Variants in CEP250 observed in about 807,000 individuals in gnomAD.
The protein encoded by CEP250 is centrosome-associated protein CEP250.
Under a neutral mutation model 315.7 loss-of-function variants are expected in CEP250, and 242 were observed. The observed-to-expected ratio is 0.77, with a 90% CI of 0.69 to 0.85. The LOEUF (loss-of-function observed/expected upper bound fraction) is 0.85, where lower values mean the gene tolerates loss of function less well. CEP250 is among the 40% of genes least tolerant of loss of function. CEP250 has a pLI of 0.00. For missense variants in CEP250, 2,515 were observed against 2,886.4 expected (o/e 0.87, Z 2.95); for synonymous variants, 1,088 against 1,175.0 (o/e 0.93, Z 1.51).
chr20:35,503,321 A>G lies in CEP250; in HGVS notation c.4952A>G (p.Gln1651Arg), dbSNP rs2147158137. 1.2e-6 allele frequency: 2 copies of G among 1,614,208 alleles called. No homozygotes were observed. Among genetic ancestry groups the G allele is most frequent in the South Asian group, 2.2e-5 (2 of 91,084 alleles). ...CAGAGGCAGAAAGAGCATCTGACTCAGGATCTCGAGAGGAGAGACCAGGAG... is the reference window on the plus strand; with the variant it reads ...CAGAGGCAGAAAGAGCATCTGACTCGGGATCTCGAGAGGAGAGACCAGGAG... ...ELQRQKEHLT[Q>R]DLERRDQELM... is the part of the protein sequence containing the mutation. The change falls in exon 30 of 35, where the codon CAG (glutamine) becomes CGG (arginine). Residue 1651 changes from glutamine to arginine, a missense_variant. Physicochemically the swap from Gln to Arg is conservative, Grantham distance 43. Transcript: ENST00000397527. This position sits in a 1 kb window ranked among gnomAD's most constrained non-coding sequence, Gnocchi z 4.2.
chr20:35,501,523 C>T (rs541957409), intron 28 of CEP250, among the ~76,000 whole-genome samples: 238 of 152,226 alleles, frequency 1.6e-3, no homozygotes, highest in Middle Eastern at 0.01. Context: ...CTAGAAGGAA[C>T]CTCCAGTGTC....
At chr20:35,474,211 A>G (rs1158747290) in intron 14 of CEP250, among the ~76,000 whole-genome samples, 159 bp downstream of exon 14, 1 of 152,240 alleles carries the variant, frequency 6.6e-6, no homozygotes, top group African/African-American at 2.4e-5. Context: ...AAAGATGAAT[A>G]TGGAAAGTTC....
Position 35,497,761 on chromosome 20 carries a change from T to C in CEP250, c.3349T>C (p.Phe1117Leu). The C allele has an allele frequency of 1.3e-6, 2 of 1,560,150 alleles. No individual in the cohort carries two copies. Among genetic ancestry groups the C allele is most frequent in the South Asian group, 1.2e-5 (1 of 84,710 alleles). ...AGAGGTGAAGGAAAAGGAGGCTGAC[T>C]TTCTGGCCCAGGAAGCACAGCTGCT... The part of the protein sequence containing the change: ...RQEVKEKEAD[F>L]LAQEAQLLEE... The change falls in exon 26 of 35, where the codon TTT becomes CTT. Residue 1117 changes from phenylalanine to leucine, a missense_variant. Coordinates refer to ENST00000397527, the MANE Select transcript of CEP250 (RefSeq NM_007186.6).
intron 32 of CEP250, 128 bp downstream of exon 32, chr20:35,508,318 T>G (rs541046873): frequency 1.5e-5 from 11 of 749,908 alleles, no homozygotes; most frequent in East Asian, 1.4e-4. Context: ...ATTAAGTTTG[T>G]TTTTTTTTTT....
chr20:35,485,700 T>G (rs1442925674), intron 20 of CEP250, among the ~76,000 whole-genome samples: 1 of 120,310 alleles, frequency 8.3e-6, no homozygotes, highest in African/African-American at 3.1e-5. Flanking sequence ...GCTCTGTCAC[T>G]CAGGCTACAG....
chr20:35,502,493 G>A lies in CEP250; in HGVS notation c.4124G>A (p.Gly1375Asp). The A allele has an allele frequency of 6.2e-7, 1 of 1,614,176 alleles. No individual in the cohort carries two copies. The highest frequency in any genetic ancestry group is 8.5e-7 in the Non-Finnish European group (1 of 1,180,028). Residue 1375 changes from glycine to aspartate, a missense_variant, in exon 30 of 35, where the codon GGC becomes GAC. Gly to Asp is a moderately conservative substitution (Grantham distance 94). Transcript: ENST00000397527. ...VEARAQASAA[G>D]ILEEDLRTAR... ...GCCAGGGCTCAGGCAAGTGCTGCTG[G>A]CATCCTGGAAGAAGACCTGAGAACG...
intron 20 of CEP250, 27 bp downstream of exon 20, chr20:35,480,172 G>A (rs767736959): frequency 1.7e-5 from 27 of 1,593,262 alleles, no homozygotes; most frequent in Admixed American, 1.2e-4. Flanking sequence ...GCCGGGTATG[G>A]CCTCCCTTCC....
intron 29 of CEP250, 144 bp downstream of exon 29, chr20:35,502,110 A>C: frequency 2.9e-6 from 3 of 1,024,206 alleles, no homozygotes; most frequent in Non-Finnish European, 4.2e-6. Flanking sequence ...GCCATTATTC[A>C]GGTTCCAATG....
intron 31 of CEP250, 70 bp downstream of exon 31, chr20:35,507,921 C>T: frequency 6.3e-7 from 1 of 1,596,764 alleles, no homozygotes; most frequent in South Asian, 1.1e-5. Context: ...GTCCCCTTCC[C>T]TTGGGAACTG....
rs1441178394 is a variant in CEP250, at chr20:35,497,879, T to G, written c.3467T>G (p.Leu1156Arg). The G allele has an allele frequency of 1.2e-6, 2 of 1,602,218 alleles. No homozygotes were observed. Among genetic ancestry groups the G allele is most frequent in the East Asian group, 4.5e-5 (2 of 44,436 alleles). ...AAGGCAGCCCAACTACAGCTGCGAC[T>G]GCGCAGCACAGAGAGCCAGCTAGAA... Reference protein sequence around the residue: ...EAKAAQLQLRLRSTESQLEAL... With the variant: ...EAKAAQLQLRRRSTESQLEAL... Residue 1156 changes from leucine (L) to arginine (R), a missense_variant, in exon 26 of 35, where the codon CTG becomes CGG. Physicochemically the swap from Leu to Arg is moderately radical, Grantham distance 102. Coordinates refer to ENST00000397527, the MANE Select transcript of CEP250 (RefSeq NM_007186.6).
At position 35,493,359 on chromosome 20, in the gene CEP250, C is replaced by T. The variant is rs1201313305; in HGVS notation, c.2890-70C>T. On this transcript the variant is annotated intron_variant, in intron 22 of 34. Transcript: ENST00000397527. ...CTGGCTCCTGCCTCAGCTTTTGCCA[C>T]CCCACCAAAAAAACCAGTATTTCTA... 7.9e-6 allele frequency: 11 copies of T among 1,391,032 alleles called. No individual in the cohort carries two copies. In the East Asian group the frequency reaches 2.7e-4, roughly 34 times the overall value. 86.2% of individuals were successfully genotyped at this position (1,391,032 alleles called of 1,614,324 possible). A position where few individuals can be genotyped will look rare whatever the true frequency, so the allele number is the denominator to read the frequency against.
intron 5 of CEP250, 132 bp downstream of exon 5, chr20:35,463,763 G>C: frequency 1.7e-6 from 1 of 597,868 alleles, no homozygotes; most frequent in East Asian, 3.4e-5. Context: ...CTCAGCCTCT[G>C]AGAGGTTTAT....
At chr20:35,490,903 T>A in intron 21 of CEP250, 99 bp downstream of exon 21, 2 of 1,411,002 alleles carry the variant, frequency 1.4e-6, no homozygotes, top group South Asian at 2.7e-5. Context: ...GCAGAGGGGC[T>A]TCCAGAAGAG....
chr20:35,512,110 GT>G lies in CEP250; in HGVS notation c.*486del. 5 of 905,430 alleles carry G rather than the reference GT, an allele frequency of 5.5e-6. No homozygotes were observed. The highest frequency in any genetic ancestry group is 6.6e-6 in the Non-Finnish European group (5 of 754,738). The allele number at this position is 905,430 out of a possible 1,614,324, so 56.1% of individuals were successfully genotyped here. On this transcript the variant is annotated 3_prime_UTR_variant, in exon 35 of 35. Coordinates refer to ENST00000397527, the MANE Select transcript of CEP250 (RefSeq NM_007186.6). ...ACACCATGCACTGTGATAGGGAAGGGTTACAGAGAACACACAAGACAAAGCC... is the reference window on the plus strand; with the variant it reads ...ACACCATGCACTGTGATAGGGAAGGGTACAGAGAACACACAAGACAAAGCC...
chr20:35,502,621 G>A lies in CEP250; in HGVS notation c.4252G>A (p.Ala1418Thr). The change falls in exon 30 of 35, where the codon GCT becomes ACT. Residue 1418 changes from alanine to threonine, a missense_variant. Ala to Thr is a moderately conservative substitution (Grantham distance 58, BLOSUM62 0). Transcript: ENST00000397527. ...QGELKVAQGK[A>T]LQENLALLTQ... ...CGAACTGAAGGTGGCCCAAGGGAAG[G>A]CTCTGCAAGAGAATTTGGCCCTCCT... is the stretch of plus-strand genomic sequence containing the variant. The A allele has an allele frequency of 6.2e-7, 1 of 1,614,262 alleles. No homozygotes were observed. Among genetic ancestry groups the A allele is most frequent in the South Asian group, 1.1e-5 (1 of 91,090 alleles).
intron 28 of CEP250, among the ~76,000 whole-genome samples, chr20:35,501,579 A>G (rs894055597): frequency 6.6e-6 from 1 of 152,134 alleles, no homozygotes; most frequent in African/African-American, 2.4e-5. Context: ...GCTCTCTGTG[A>G]TGAGGATGAG....
chr20:35,518,353 T>C lies in CEP250; in HGVS notation c.*6727T>C, dbSNP rs933610991. The C allele has an allele frequency of 2.0e-5, 3 of 152,138 alleles. No homozygotes were observed. Among genetic ancestry groups the C allele is most frequent in the African/African-American group, 7.2e-5 (3 of 41,414 alleles). The allele number at this position is 152,138 out of a possible 1,614,324, so 9.4% of individuals were successfully genotyped here. On this transcript the variant is annotated 3_prime_UTR_variant, in exon 35 of 35. Transcript: ENST00000397527. ...TCGGTTTATGTGGGATATTTGCATT[T>C]TGTTAGGTTGTGTGTGGTAGTTGAG...
At chr20:35,509,111 C>T (rs966456638) in intron 33 of CEP250, 67 bp downstream of exon 33, 9 of 1,303,722 alleles carry the variant, frequency 6.9e-6, no homozygotes, top group Admixed American at 2.0e-5. Flanking sequence ...CTCAGCCCTC[C>T]TCATTGCATA....
chr20:35,489,284 A>T (rs768419920), intron 20 of CEP250, among the ~76,000 whole-genome samples: 1 of 152,146 alleles, frequency 6.6e-6, no homozygotes, highest in Non-Finnish European at 1.5e-5. Flanking sequence ...GCTGCACAGG[A>T]TGACACTGGG....
Sources: gnomAD v4.1 joint callset for allele counts (sites outside exome capture counted in the v4.1 genomes callset) on GRCh38, gnomAD v4.1.1 for gene constraint, Gnocchi (gnomAD v3.1) non-coding constraint, MANE v1.5 for transcripts, NCBI Gene and HGNC (gene_info 2026-07-23, HGNC 2026-07-21) for gene names.